Variants in SGCZ observed in about 807,000 individuals in gnomAD.
SGCZ encodes the protein zeta-sarcoglycan.
Under a neutral mutation model 41.3 loss-of-function variants are expected in SGCZ, and 40 were observed. The observed-to-expected ratio is 0.97, with a 90% CI of 0.75 to 1.26. The LOEUF is 1.26. Among genes scored for constraint, SGCZ ranks in the 50% most tolerant of loss-of-function variants. The probability of loss-of-function intolerance (pLI) is 0.00; values close to 1 mark genes in which losing one functional copy is unlikely to be tolerated. For synonymous variants in SGCZ, 206 were observed against 137.5 expected, an observed-to-expected ratio of 1.50 and a Z score of -3.49; for missense variants, 552 against 369.8, an observed-to-expected ratio of 1.49 and a Z score of -4.04.
intron 3 of SGCZ, among the ~76,000 whole-genome samples, chr8:14,315,124 C>G (rs985940815): frequency 4.6e-5 from 7 of 152,126 alleles, no homozygotes; most frequent in Admixed American, 2.0e-4. Context: ...GGTTTGAATT[C>G]TGGCTCACCT....
At chr8:14,911,071 T>C (rs1482746607) in intron 1 of SGCZ, among the ~76,000 whole-genome samples, 5 of 152,124 alleles carry the variant, frequency 3.3e-5, no homozygotes, top group African/African-American at 1.2e-4. Flanking sequence ...TGTGCTTTAC[T>C]ATTTTTATAA....
At chr8:14,142,999 T>TAAAAA (rs75035278) in intron 5 of SGCZ, among the ~76,000 whole-genome samples, 2 of 142,640 alleles carry the variant, frequency 1.4e-5, no homozygotes, top group African/African-American at 5.1e-5. Context: ...CTTTATAAAT[T>TAAAAA]AAAAAAAAAA....
At chr8:14,830,937 T>A (rs932749831) in intron 1 of SGCZ, among the ~76,000 whole-genome samples, 9 of 152,338 alleles carry the variant, frequency 5.9e-5, no homozygotes, top group African/African-American at 2.2e-4. Context: ...AATAAATGTT[T>A]CCTTTCTATT....
chr8:14,737,205 A>G (rs1240473666), intron 1 of SGCZ, among the ~76,000 whole-genome samples: 1 of 150,392 alleles, frequency 6.6e-6, no homozygotes, highest in Non-Finnish European at 1.5e-5. Context: ...ATGATGGGAT[A>G]AATGATATTT....
intron 3 of SGCZ, among the ~76,000 whole-genome samples, chr8:14,323,564 G>C (rs1479501292): frequency 6.6e-6 from 1 of 152,022 alleles, no homozygotes; most frequent in Non-Finnish European, 1.5e-5. Flanking sequence ...TTTTTAGCAT[G>C]CTTCTAAGAG....
At chr8:15,165,370 C>A (rs932549173) in intron 1 of SGCZ, among the ~76,000 whole-genome samples, 1 of 151,826 alleles carries the variant, frequency 6.6e-6, no homozygotes, top group Non-Finnish European at 1.5e-5. Context: ...GTGACTTTAA[C>A]CTTAATAAAT....
intron 1 of SGCZ, among the ~76,000 whole-genome samples, chr8:15,088,500 A>G (rs1287640634): frequency 6.6e-6 from 1 of 152,214 alleles, no homozygotes; most frequent in African/African-American, 2.4e-5. Context: ...CAACTGCAAT[A>G]CATGTACTTT....
At chr8:14,396,547 A>G (rs996993763) in intron 2 of SGCZ, among the ~76,000 whole-genome samples, 1 of 152,078 alleles carries the variant, frequency 6.6e-6, no homozygotes, top group Non-Finnish European at 1.5e-5. Flanking sequence ...ATAAACATGT[A>G]AACTTTCTCT....
chr8:14,251,798 C>G (rs574335146), intron 3 of SGCZ, among the ~76,000 whole-genome samples: 1 of 152,058 alleles, frequency 6.6e-6, no homozygotes, highest in African/African-American at 2.4e-5. Flanking sequence ...GCCTGGGATA[C>G]TTTGCCTCCC....
At chr8:14,392,092 C>G (rs1804798427) in intron 2 of SGCZ, among the ~76,000 whole-genome samples, 1 of 152,020 alleles carries the variant, frequency 6.6e-6, no homozygotes, top group Non-Finnish European at 1.5e-5. Context: ...TAAATGATCC[C>G]CAGGTTTCTG....
At chr8:14,101,266 A>AAGAG in intron 7 of SGCZ, among the ~76,000 whole-genome samples, 1 of 149,390 alleles carries the variant, frequency 6.7e-6, no homozygotes, top group South Asian at 2.1e-4. Flanking sequence ...GAGGCACAGT[A>AAGAG]AGAGAAAGAA....
At chr8:15,205,442 G>A (rs1195983572) in intron 1 of SGCZ, among the ~76,000 whole-genome samples, 1 of 152,108 alleles carries the variant, frequency 6.6e-6, no homozygotes. Flanking sequence ...AGTGGGCAAA[G>A]GACATGAACA....
rs545573676 is a variant in SGCZ, at chr8:14,904,354, A to C, written c.39+333231T>G. On this transcript the variant is annotated intron_variant, in intron 1 of 7. Transcript: ENST00000382080. The stretch of plus-strand genomic sequence containing the variant: ...ATAAATATCAATGTAATTCCTAAAC[A>C]TCTCAATCCTTTCCAAAAAAGATTA... Among the ~76,000 whole-genome samples the C allele has an allele frequency of 5.3e-5, 8 of 152,214 alleles. No individual in the cohort carries two copies. In the East Asian group the frequency reaches 1.5e-3, roughly 29 times the overall value.
At chr8:14,760,866 A>T (rs190261004) in intron 1 of SGCZ, among the ~76,000 whole-genome samples, 1 of 152,150 alleles carries the variant, frequency 6.6e-6, no homozygotes, top group Admixed American at 6.5e-5. Flanking sequence ...TTCCTTTTTC[A>T]TGTGTGTGAA....
intron 3 of SGCZ, among the ~76,000 whole-genome samples, chr8:14,277,851 C>G (rs998526187): frequency 1.3e-5 from 2 of 151,994 alleles, no homozygotes; most frequent in Non-Finnish European, 2.9e-5. Context: ...AAAATCCCCC[C>G]TTTAGGAATG....
At chr8:14,393,562 C>T (rs1176283231) in intron 2 of SGCZ, among the ~76,000 whole-genome samples, 3 of 152,188 alleles carry the variant, frequency 2.0e-5, no homozygotes, top group Non-Finnish European at 2.9e-5. Context: ...GACACTGCCT[C>T]CTCAAACTAG....
intron 1 of SGCZ, among the ~76,000 whole-genome samples, chr8:14,668,236 A>G (rs999044609): frequency 1.3e-5 from 2 of 152,236 alleles, no homozygotes; most frequent in African/African-American, 2.4e-5. Flanking sequence ...CTGGGATTAC[A>G]GGCGTGAGCC....
At chr8:14,625,828 T>C (rs1806436883) in intron 1 of SGCZ, among the ~76,000 whole-genome samples, 1 of 152,170 alleles carries the variant, frequency 6.6e-6, no homozygotes, top group Non-Finnish European at 1.5e-5. Context: ...ACAACTTGGT[T>C]CAGTAAGTTT....
Position 14,089,060 on chromosome 8 carries a change from ACT to A in SGCZ, c.*1381_*1382del, listed in dbSNP as rs1801610154. Among the ~76,000 whole-genome samples the A allele has an allele frequency of 6.6e-6, 1 of 151,928 alleles. No homozygotes were observed. The highest frequency in any genetic ancestry group is 2.1e-4 in the South Asian group (1 of 4,830). Reference sequence around the variant, plus strand: ...ACTTAATACAGTTTTACATTCTTTGACTCTGTAAGTTTCAAGAGTTTGAGTTA... The same window carrying A: ...ACTTAATACAGTTTTACATTCTTTGACTGTAAGTTTCAAGAGTTTGAGTTA... On this transcript the variant is annotated 3_prime_UTR_variant, in exon 8 of 8. Coordinates refer to ENST00000382080, the MANE Select transcript of SGCZ (RefSeq NM_139167.4).
Sources: allele counts gnomAD v4.1 joint callset (sites outside exome capture counted in the v4.1 genomes callset), GRCh38; gene constraint gnomAD v4.1.1; transcripts MANE v1.5; gene names NCBI Gene and HGNC (gene_info 2026-07-23, HGNC 2026-07-21).